The following ZFAT variants were observed in gnomAD, a reference collection of about 807,000 sequenced individuals.
The protein encoded by ZFAT is zinc finger protein ZFAT.
Under a neutral mutation model 117.7 loss-of-function variants are expected in ZFAT, and 64 were observed. That is an observed-to-expected ratio of 0.54 (90% CI 0.44 to 0.67). ZFAT has a LOEUF of 0.67. ZFAT is among the 30% of genes least tolerant of loss of function. ZFAT has a pLI of 0.00. For synonymous variants in ZFAT, 679 were observed against 615.0 expected (o/e 1.10, Z -1.54); for missense variants, 1,433 against 1,584.5 (o/e 0.90, Z 1.62).
intron 11 of ZFAT, among the ~76,000 whole-genome samples, chr8:134,540,345 T>C (rs553333847): frequency 1.3e-5 from 2 of 152,302 alleles, no homozygotes; most frequent in South Asian, 4.1e-4. Context: ...TTTTACCCTC[T>C]CTATCTCTCT....
At chr8:134,823,828 A>T in the ZFAT span, among the ~76,000 whole-genome samples, 7,689 of 152,264 alleles carry the variant, frequency 0.05, 259 homozygotes, top group Non-Finnish European at 0.074. Flanking sequence ...AATATAATTT[A>T]AAAAAATATT....
intron 1 of ZFAT, among the ~76,000 whole-genome samples, chr8:134,665,218 G>C (rs1307220183): frequency 1.3e-5 from 2 of 152,206 alleles, no homozygotes; most frequent in East Asian, 3.8e-4. Flanking sequence ...ACTTAGGGAG[G>C]GTTCCAGGAT....
At chr8:134,755,409 CA>C in the ZFAT span, among the ~76,000 whole-genome samples, 2,379 of 55,294 alleles carry the variant, frequency 0.043, 24 homozygotes, top group African/African-American at 0.11. Flanking sequence ...GACTCTGTCT[CA>C]AAAAAAAAAA....
chr8:134,600,173 T>A (rs1827294285), intron 7 of ZFAT: 1 of 516,122 alleles, frequency 1.9e-6, no homozygotes, highest in South Asian at 2.3e-5. Flanking sequence ...TATAGATATC[T>A]CTTCTGTAGA....
the ZFAT span, among the ~76,000 whole-genome samples, chr8:134,757,365 T>G: frequency 6.6e-6 from 1 of 152,102 alleles, no homozygotes; most frequent in Non-Finnish European, 1.5e-5. Flanking sequence ...TAAGTAAACC[T>G]TCTGCATTCC....
chr8:134,650,118 A>C (rs936628047), intron 2 of ZFAT, among the ~76,000 whole-genome samples: 7 of 143,012 alleles, frequency 4.9e-5, no homozygotes, highest in African/African-American at 1.6e-4. Flanking sequence ...TTTCTTTTTT[A>C]TTTTTTTTCT....
the ZFAT span, chr8:134,796,810 T>C: frequency 6.6e-6 from 1 of 152,210 alleles, no homozygotes; most frequent in African/African-American, 2.4e-5. Context: ...TATATATATG[T>C]ATGCAAGCAT....
chr8:134,541,341 A>G (rs1047190555), intron 11 of ZFAT, among the ~76,000 whole-genome samples: 2 of 152,190 alleles, frequency 1.3e-5, no homozygotes, highest in Non-Finnish European at 2.9e-5. Flanking sequence ...GGAAGGGGAC[A>G]TGCACTAGTA....
Position 134,548,405 on chromosome 8 carries a change from G to A in ZFAT, c.2977-15433C>T, listed in dbSNP as rs117028095. 1.6e-3 allele frequency among the ~76,000 whole-genome samples: 246 copies of A among 152,296 alleles called. 1 individual carries two copies. Among genetic ancestry groups the A allele is most frequent in the South Asian group, 5.4e-3 (26 of 4,820 alleles). ...AGCAGGTGCAACCAAGCACGGAGAT[G>A]GAGTGGGACACGCCACGTCTGCAAT... On this transcript the variant is annotated intron_variant, in intron 11 of 15. Coordinates refer to ENST00000377838, the MANE Select transcript of ZFAT (RefSeq NM_020863.4).
At chr8:134,682,797 G>T (rs1412837258) in intron 1 of ZFAT, among the ~76,000 whole-genome samples, 1 of 152,184 alleles carries the variant, frequency 6.6e-6, no homozygotes, top group Non-Finnish European at 1.5e-5. Context: ...CCCCTGTAAG[G>T]CCCTTTTTCC....
intron 11 of ZFAT, among the ~76,000 whole-genome samples, chr8:134,534,485 C>G (rs1821670655): frequency 6.6e-6 from 1 of 152,126 alleles, no homozygotes; most frequent in South Asian, 2.1e-4. Context: ...ATCAGCTCCT[C>G]TTTCAAGGTT....
At chr8:134,703,540 A>G (rs1177828309) in intron 1 of ZFAT, among the ~76,000 whole-genome samples, 2 of 152,218 alleles carry the variant, frequency 1.3e-5, no homozygotes, top group East Asian at 3.9e-4. Flanking sequence ...GTTCATGGCC[A>G]CATCAGCAAG....
intron 15 of ZFAT, among the ~76,000 whole-genome samples, chr8:134,499,328 G>A (rs1195767226): frequency 7.0e-6 from 1 of 142,912 alleles, no homozygotes; most frequent in Admixed American, 6.9e-5. Flanking sequence ...TAGGGTCGGG[G>A]TGGAGCTGGG....
At chr8:134,661,827 A>C (rs576409710) in intron 1 of ZFAT, among the ~76,000 whole-genome samples, 3 of 152,328 alleles carry the variant, frequency 2.0e-5, no homozygotes, top group African/African-American at 7.2e-5. Flanking sequence ...GGTTGTGGGC[A>C]GGACATCAGG....
At chr8:134,812,722 C>T in the ZFAT span, among the ~76,000 whole-genome samples, 1 of 152,120 alleles carries the variant, frequency 6.6e-6, no homozygotes, top group Non-Finnish European at 1.5e-5. Flanking sequence ...GGCAACAGAG[C>T]AAGACTCTGT....
At chr8:134,649,289 C>A (rs896512543) in intron 2 of ZFAT, among the ~76,000 whole-genome samples, 1 of 151,840 alleles carries the variant, frequency 6.6e-6, no homozygotes, top group Non-Finnish European at 1.5e-5. Context: ...TTCCACTCAA[C>A]CCTGTACTGG....
At chr8:134,525,580 T>C (rs938048885) in intron 12 of ZFAT, among the ~76,000 whole-genome samples, 2 of 152,196 alleles carry the variant, frequency 1.3e-5, no homozygotes, top group African/African-American at 2.4e-5. Context: ...ATCAATTCCG[T>C]GTCAGTGGAA....
At chr8:134,608,216 T>C (rs1039897101) in intron 5 of ZFAT, among the ~76,000 whole-genome samples, 1 of 152,230 alleles carries the variant, frequency 6.6e-6, no homozygotes, top group South Asian at 2.1e-4. Flanking sequence ...AACCAATATA[T>C]GTTAGTATAT....
chr8:134,800,862 A>G, the ZFAT span, among the ~76,000 whole-genome samples: 3 of 152,106 alleles, frequency 2.0e-5, no homozygotes, highest in Non-Finnish European at 2.9e-5. Context: ...TCTTATTAAT[A>G]AAATTTTTTT....
Sources: allele counts gnomAD v4.1 joint callset (sites outside exome capture counted in the v4.1 genomes callset), GRCh38; gene constraint gnomAD v4.1.1; transcripts MANE v1.5; gene names NCBI Gene and HGNC (gene_info 2026-07-23, HGNC 2026-07-21).